The following KANSL2 variants were observed in gnomAD, a reference collection of about 807,000 sequenced individuals.
KANSL2 encodes KAT8 regulatory NSL complex subunit 2, also known as NSL complex protein NSL2.
Under a neutral mutation model 55.6 loss-of-function variants are expected in KANSL2, and 34 were observed. The observed-to-expected ratio is 0.61, with a 90% CI of 0.46 to 0.81. The LOEUF is 0.81. Ranked by LOEUF, KANSL2 falls within the 40% of genes least tolerant of loss-of-function variation. The probability of loss-of-function intolerance (pLI) is 0.00; values close to 1 mark genes in which losing one functional copy is unlikely to be tolerated. For missense variants in KANSL2, 502 were observed against 609.9 expected (o/e 0.82, Z 1.86); for synonymous variants, 209 against 214.3 (o/e 0.98, Z 0.22).
At position 48,679,074 on chromosome 12, in the gene KANSL2, T is replaced by C. The variant is rs748381749; in HGVS notation, c.507A>G (p.Glu169=). The change falls in exon 4 of 10, where the codon GAA becomes GAG. Residue 169 remains glutamate (E), a synonymous_variant. Coordinates refer to ENST00000420613, the MANE Select transcript of KANSL2 (RefSeq NM_017822.4). The part of the protein sequence containing the change: ...DQTWRGDPDS[E]ADSIDSDQED... ...CTTGATCACTGTCTATGCTATCAGC[T>C]TCACTGTCAGGGTCACCTCTCCATG... The C allele has an allele frequency of 6.2e-7, 1 of 1,613,874 alleles. No homozygotes were observed. Among genetic ancestry groups the C allele is most frequent in the Admixed American group, 1.7e-5 (1 of 60,008 alleles).
chr12:48,655,145 A>G (rs1939352706), intron 8 of KANSL2, 85 bp from the exon 9 acceptor site: 1 of 1,338,106 alleles, frequency 7.5e-7, no homozygotes, highest in African/African-American at 1.5e-5. Context: ...TTAAAGCAAT[A>G]CTCTGCTGTC....
chr12:48,663,850 C>A (rs570457670), intron 7 of KANSL2, among the ~76,000 whole-genome samples: 1 of 151,672 alleles, frequency 6.6e-6, no homozygotes, highest in East Asian at 1.9e-4. Flanking sequence ...AGCACCCTAA[C>A]CCCATGAATT....
At chr12:48,670,174 T>C (rs1939682986) in intron 5 of KANSL2, among the ~76,000 whole-genome samples, 1 of 141,350 alleles carries the variant, frequency 7.1e-6, no homozygotes, top group Admixed American at 7.8e-5. Flanking sequence ...CACTCCAGCC[T>C]GGCGACAGAG....
chr12:48,658,481 G>A (rs933031192), intron 8 of KANSL2, among the ~76,000 whole-genome samples: 10 of 152,246 alleles, frequency 6.6e-5, no homozygotes, highest in African/African-American at 2.2e-4. Context: ...TCAGCTGGGC[G>A]CGATGTCTCA....
rs567344832 is a variant in KANSL2, at chr12:48,653,621, C to T, written c.*423G>A. 1 of 154,718 alleles carries T rather than the reference C, an allele frequency of 6.5e-6. No homozygotes were observed. The highest frequency in any genetic ancestry group is 2.4e-5 in the African/African-American group (1 of 41,642). The allele number at this position is 154,718 out of a possible 1,614,324, so 9.6% of individuals were successfully genotyped here. On this transcript the variant is annotated 3_prime_UTR_variant, in exon 10 of 10. Coordinates refer to ENST00000420613, the MANE Select transcript of KANSL2 (RefSeq NM_017822.4). The stretch of plus-strand genomic sequence containing the variant: ...ACCAGGGAAAGGGGTTAAAGACTGC[C>T]CAATTAAGTAGAGGTGAAGAAAAGC...
At chr12:48,681,361 T>C (rs770828685) in intron 2 of KANSL2, 21 bp downstream of exon 2, 3 of 1,585,776 alleles carry the variant, frequency 1.9e-6, no homozygotes, top group South Asian at 2.3e-5. Flanking sequence ...AAAAACGACA[T>C]ATATATCTAT....
chr12:48,672,943 G>C (rs776631577), intron 4 of KANSL2, among the ~76,000 whole-genome samples: 1 of 151,920 alleles, frequency 6.6e-6, no homozygotes, highest in Non-Finnish European at 1.5e-5. Context: ...ATTTTCAGTA[G>C]AGATGGGGTT....
At chr12:48,672,051 T>C in intron 4 of KANSL2, 89 bp from the exon 5 acceptor site, 1 of 1,146,190 alleles carries the variant, frequency 8.7e-7, no homozygotes, top group Non-Finnish European at 1.2e-6. Flanking sequence ...ACTAAGTTTG[T>C]TATTTAACAA....
chr12:48,663,259 C>G (rs1294289260), intron 7 of KANSL2, among the ~76,000 whole-genome samples: 2 of 152,182 alleles, frequency 1.3e-5, no homozygotes, highest in Non-Finnish European at 2.9e-5. Context: ...ATATGAATTA[C>G]TGTCAGATTG....
In KANSL2 at chr12:48,679,042, G is replaced by C; in HGVS notation, c.539C>G (p.Pro180Arg). 1 of 1,609,848 alleles carries C rather than the reference G, an allele frequency of 6.2e-7. No individual in the cohort carries two copies. The highest frequency in any genetic ancestry group is 1.3e-5 in the African/African-American group (1 of 74,936). ...ADSIDSDQEDPLKHAGVYTAE... is the reference protein window; with the variant it reads ...ADSIDSDQEDRLKHAGVYTAE... ...ATGTGGAGTTACAACTTACTTTAGGGGATCTTCTTGATCACTGTCTATGCT... is the reference window on the plus strand; with the variant it reads ...ATGTGGAGTTACAACTTACTTTAGGCGATCTTCTTGATCACTGTCTATGCT... The change falls in exon 4 of 10, where the codon CCC becomes CGC. Residue 180 changes from proline to arginine, a missense_variant. Pro to Arg is a moderately radical substitution (Grantham distance 103, BLOSUM62 -2). Coordinates refer to ENST00000420613, the MANE Select transcript of KANSL2 (RefSeq NM_017822.4).
rs777330750 is a variant in KANSL2 at position 48,679,111 on chromosome 12, G to A, written c.470C>T (p.Thr157Ile). Residue 157 changes from threonine to isoleucine, a missense_variant, in exon 4 of 10, where the codon ACT becomes ATT. Physicochemically the swap from Thr to Ile is moderately conservative, Grantham distance 89. Coordinates refer to ENST00000420613, the MANE Select transcript of KANSL2 (RefSeq NM_017822.4). The part of the protein sequence containing the change: ...SWSDGEQEPI[T>I]VDQTWRGDPD... ...GTCACCTCTCCATGTCTGATCCACA[G>A]TAATGGGTTCCTGCTCCCCATCACT... The A allele has an allele frequency of 6.2e-7, 1 of 1,613,878 alleles. No homozygotes were observed. Among genetic ancestry groups the A allele is most frequent in the Non-Finnish European group, 8.5e-7 (1 of 1,179,856 alleles).
intron 4 of KANSL2, among the ~76,000 whole-genome samples, chr12:48,676,991 C>T (rs1939833214): frequency 6.6e-6 from 1 of 152,114 alleles, no homozygotes; most frequent in Admixed American, 6.6e-5. Flanking sequence ...ACTCAGTGGA[C>T]ATACTACTAA....
chr12:48,664,537 C>T (rs896596994), intron 7 of KANSL2, among the ~76,000 whole-genome samples: 6 of 150,396 alleles, frequency 4.0e-5, no homozygotes, highest in Non-Finnish European at 7.4e-5. Context: ...CTCGGCCTCC[C>T]AAAGTGCCGG....
At chr12:48,667,920 A>G (rs1004640487) in intron 6 of KANSL2, 131 bp from the exon 7 acceptor site, 2 of 666,658 alleles carry the variant, frequency 3.0e-6, no homozygotes, top group Admixed American at 5.9e-5. Flanking sequence ...AGATTCACCA[A>G]TATTATGCAA....
chr12:48,668,720 G>A (rs1480254911), intron 6 of KANSL2, among the ~76,000 whole-genome samples: 1 of 152,116 alleles, frequency 6.6e-6, no homozygotes, highest in Non-Finnish European at 1.5e-5. Context: ...TGGACATAGT[G>A]TTTTGACAAT....
intron 5 of KANSL2, 151 bp downstream of exon 5, chr12:48,671,648 C>G (rs1341848142): frequency 1.3e-6 from 1 of 751,484 alleles, no homozygotes; most frequent in African/African-American, 1.7e-5. Context: ...CAGGCTATAC[C>G]ACCTACGTTA....
chr12:48,665,357 G>T (rs990707194), intron 7 of KANSL2, among the ~76,000 whole-genome samples: 9 of 152,064 alleles, frequency 5.9e-5, no homozygotes, highest in African/African-American at 2.2e-4. Flanking sequence ...AAGGTCAGGA[G>T]ATCGAGACCA....
intron 8 of KANSL2, among the ~76,000 whole-genome samples, chr12:48,657,168 G>A (rs1343840889): frequency 6.6e-6 from 1 of 152,130 alleles, no homozygotes; most frequent in Non-Finnish European, 1.5e-5. Flanking sequence ...GGATCATGAG[G>A]TCAAGAGATT....
intron 4 of KANSL2, among the ~76,000 whole-genome samples, chr12:48,676,698 C>T (rs34046666): frequency 0.069 from 10,524 of 151,790 alleles, 808 homozygotes; most frequent in African/African-American, 0.19. Flanking sequence ...TAAGTCACTA[C>T]GCCTGGCCAT....
Sources: allele counts gnomAD v4.1 joint callset (sites outside exome capture counted in the v4.1 genomes callset), GRCh38; gene constraint gnomAD v4.1.1; transcripts MANE v1.5; gene names NCBI Gene and HGNC (gene_info 2026-07-23, HGNC 2026-07-21).